The following ABCC11 variants were observed in gnomAD, a reference collection of about 807,000 sequenced individuals.
ABCC11 encodes the protein ATP binding cassette subfamily C member 11, also known as ATP-binding cassette sub-family C member 11.
In ABCC11, 135 loss-of-function variants were observed where a neutral mutation model predicts 149.3. The ratio of observed to expected loss-of-function variants is 0.90; its 90% CI spans 0.79 to 1.04. ABCC11 has a LOEUF of 1.04. ABCC11 is among the 50% of genes least tolerant of loss of function. The pLI, the probability that ABCC11 is intolerant of heterozygous loss-of-function variation, is 0.00. For synonymous variants in ABCC11, 665 were observed against 671.4 expected, an observed-to-expected ratio of 0.99 and a Z score of 0.15; for missense variants, 1,680 against 1,722.1, an observed-to-expected ratio of 0.98 and a Z score of 0.43.
chr16:48,196,625 AG>A (rs1274856993), intron 17 of ABCC11, among the ~76,000 whole-genome samples: 4 of 152,240 alleles, frequency 2.6e-5, no homozygotes, highest in Non-Finnish European at 5.9e-5. Flanking sequence ...CAGAAAACCT[AG>A]GTTTCAGAAC....
intron 14 of ABCC11, among the ~76,000 whole-genome samples, chr16:48,201,479 T>C (rs545031022): frequency 4.8e-5 from 7 of 147,242 alleles, no homozygotes; most frequent in Admixed American, 6.7e-5. Flanking sequence ...TTTTTCTTTT[T>C]TTTTTTTTTT....
At chr16:48,218,149 A>G (rs1173049561) in intron 6 of ABCC11, among the ~76,000 whole-genome samples, 2 of 152,130 alleles carry the variant, frequency 1.3e-5, no homozygotes, top group Non-Finnish European at 1.5e-5. Context: ...ATTAAAAATT[A>G]GCCAAGCATG....
chr16:48,234,654 G>A (rs971093861), intron 1 of ABCC11, among the ~76,000 whole-genome samples: 1 of 152,204 alleles, frequency 6.6e-6, no homozygotes. Flanking sequence ...AAGTCTGGGT[G>A]AAGGGCTTCC....
chr16:48,237,371 A>T (rs1970740651), intron 1 of ABCC11, among the ~76,000 whole-genome samples: 1 of 152,118 alleles, frequency 6.6e-6, no homozygotes, highest in Non-Finnish European at 1.5e-5. Flanking sequence ...CCAACCTAGG[A>T]TAATCCTTCT....
chr16:48,238,038 T>C (rs951964049), intron 1 of ABCC11, among the ~76,000 whole-genome samples: 2 of 152,248 alleles, frequency 1.3e-5, no homozygotes, highest in Admixed American at 6.5e-5. Flanking sequence ...AGAAATCTTG[T>C]CTGTCTGATT....
Position 48,176,886 on chromosome 16 carries a change from G to A in ABCC11, c.3538+38C>T, listed in dbSNP as rs1333786573. On this transcript the variant is annotated intron_variant, in intron 25 of 29. Transcript: ENST00000356608. ...TAGGTCTAGTGCCCAAAGGGCAAAG[G>A]AGGAGCTGGGGACGCTCGCCCAGGA... is the stretch of plus-strand genomic sequence containing the variant. 1.9e-6 allele frequency: 3 copies of A among 1,601,290 alleles called. No individual in the cohort carries two copies. The African/African-American group carries it at 4.0e-5, about 21-fold the overall frequency.
At chr16:48,238,985 C>A (rs1289636846) in intron 1 of ABCC11, among the ~76,000 whole-genome samples, 1 of 141,236 alleles carries the variant, frequency 7.1e-6, no homozygotes, top group Non-Finnish European at 1.5e-5. Context: ...ATCTGTAAGA[C>A]CATACTAACA....
chr16:48,226,142 T>G (rs1970056162), intron 4 of ABCC11, among the ~76,000 whole-genome samples: 1 of 151,912 alleles, frequency 6.6e-6, no homozygotes, highest in Non-Finnish European at 1.5e-5. Flanking sequence ...AGTGGCGCAA[T>G]CTTGGCTCAC....
At chr16:48,188,437 A>C (rs549902583) in intron 20 of ABCC11, among the ~76,000 whole-genome samples, 1 of 152,312 alleles carries the variant, frequency 6.6e-6, no homozygotes, top group Admixed American at 6.5e-5. Context: ...AAAGATTAGG[A>C]GCAGCAATCC....
intron 20 of ABCC11, among the ~76,000 whole-genome samples, chr16:48,188,688 C>T (rs1031372862): frequency 1.3e-5 from 2 of 152,194 alleles, no homozygotes; most frequent in Non-Finnish European, 2.9e-5. Context: ...TTACTCATTA[C>T]GCAAGTGGTT....
At chr16:48,240,675 C>G in intron 1 of ABCC11, among the ~76,000 whole-genome samples, 1 of 151,982 alleles carries the variant, frequency 6.6e-6, no homozygotes. Flanking sequence ...TACCCCAGAA[C>G]TTAAAATATT....
chr16:48,167,879 C>T (rs1035568316), intron 28 of ABCC11, among the ~76,000 whole-genome samples: 1 of 152,174 alleles, frequency 6.6e-6, no homozygotes, highest in African/African-American at 2.4e-5. Context: ...GAGCTAACTG[C>T]ATTTTAGTGG....
chr16:48,184,364 C>T, intron 23 of ABCC11, 76 bp downstream of exon 23: 1 of 1,527,560 alleles, frequency 6.5e-7, no homozygotes, highest in Admixed American at 1.9e-5. Flanking sequence ...CCTGAGGACC[C>T]CCTGAGTCTG....
At position 48,187,364 on chromosome 16, in the gene ABCC11, C is replaced by A. The variant is rs138453043; in HGVS notation, c.2770G>T (p.Ala924Ser). ...IPIGRLLNCF[A>S]GDLEQLDQLL... ...TGGTCCAGCTGTTCCAAGTCCCCTG[C>A]GAAGCAGTTCAAAAGCCGGCCTATT... Residue 924 changes from alanine to serine, a missense_variant, in exon 21 of 30, where the codon GCA (alanine) becomes TCA (serine). By Grantham distance (99) the Ala-to-Ser change is moderately conservative. Coordinates refer to ENST00000356608, the MANE Select transcript of ABCC11 (RefSeq NM_001370497.1). 64 of 1,613,904 alleles carry A rather than the reference C, an allele frequency of 4.0e-5. No individual in the cohort carries two copies. Among genetic ancestry groups the A allele is most frequent in the Non-Finnish European group, 4.2e-5 (49 of 1,179,930 alleles).
intron 28 of ABCC11, among the ~76,000 whole-genome samples, chr16:48,168,843 G>A (rs1473616325): frequency 6.6e-6 from 1 of 152,118 alleles, no homozygotes; most frequent in Non-Finnish European, 1.5e-5. Context: ...TGAACAATGA[G>A]AACACATGGA....
chr16:48,194,184 C>T (rs1967182471), intron 18 of ABCC11, among the ~76,000 whole-genome samples: 1 of 152,216 alleles, frequency 6.6e-6, no homozygotes, highest in Middle Eastern at 3.2e-3. Context: ...CACTTCCAAA[C>T]CGTGTGACCT....
At chr16:48,198,320 G>A (rs760599375) in intron 15 of ABCC11, 45 bp from the exon 16 acceptor site, 1 of 1,577,236 alleles carries the variant, frequency 6.3e-7, no homozygotes, top group Non-Finnish European at 8.7e-7. Flanking sequence ...CACATGGAAA[G>A]ATGTTTGATT....
At chr16:48,206,841 G>C (rs1968489499) in intron 12 of ABCC11, among the ~76,000 whole-genome samples, 1 of 152,226 alleles carries the variant, frequency 6.6e-6, no homozygotes, top group Non-Finnish European at 1.5e-5. Context: ...CTGTAAATGG[G>C]TCATCGTGAG....
chr16:48,187,066 C>A lies in ABCC11; in HGVS notation c.2958G>T (p.Val986=), dbSNP rs752147564. The change falls in exon 22 of 30, where the codon GTG becomes GTT. Residue 986 remains valine, a synonymous_variant. Transcript: ENST00000356608. ...YYMMFKKAIG[V]FKRLENYSRS... ...GGCTATAGTTCTCCAGTCTCTTGAA[C>A]ACACCGATGGCCTTCTTGAACATCC... 12 of 1,614,192 alleles carry A rather than the reference C, an allele frequency of 7.4e-6. No homozygotes were observed. Among genetic ancestry groups the A allele is most frequent in the Non-Finnish European group, 1.0e-5 (12 of 1,180,030 alleles).
Sources: allele counts gnomAD v4.1 joint callset (sites outside exome capture counted in the v4.1 genomes callset), GRCh38; gene constraint gnomAD v4.1.1; transcripts MANE v1.5; gene names NCBI Gene and HGNC (gene_info 2026-07-23, HGNC 2026-07-21).